Variants in VPS13B observed in about 807,000 individuals in gnomAD.
VPS13B encodes the protein vacuolar protein sorting 13 homolog B.
A neutral mutation model predicts 426.4 loss-of-function variants in VPS13B; 285 were observed. That is an observed-to-expected ratio of 0.67 (90% CI 0.61 to 0.74). The LOEUF (loss-of-function observed/expected upper bound fraction) is 0.74. Among genes scored for constraint, VPS13B ranks in the 30% least tolerant of loss-of-function variants. VPS13B has a pLI of 0.00. For synonymous variants in VPS13B, 1,676 were observed against 1,676.4 expected, an observed-to-expected ratio of 1.00 and a Z score of 0.01; for missense variants, 4,537 against 4,782.6, an observed-to-expected ratio of 0.95 and a Z score of 1.51.
chr8:99,603,318 A>T (rs1827412351), intron 33 of VPS13B, among the ~76,000 whole-genome samples: 1 of 152,210 alleles, frequency 6.6e-6, no homozygotes, highest in African/African-American at 2.4e-5. Context: ...GCCTGAAACT[A>T]TACATAGTAC....
chr8:99,515,654 A>G (rs1197519543), intron 29 of VPS13B, among the ~76,000 whole-genome samples: 1 of 151,644 alleles, frequency 6.6e-6, no homozygotes, highest in Admixed American at 6.6e-5. Context: ...TTTTAGCAAC[A>G]AACAACTTTT....
chr8:99,034,888 CAT>C (rs570356306), intron 2 of VPS13B, among the ~76,000 whole-genome samples: 21 of 152,222 alleles, frequency 1.4e-4, no homozygotes, highest in East Asian at 7.7e-4. Context: ...TAGTAACAAA[CAT>C]GTGACATAAA....
At chr8:99,520,792 G>A (rs2133667708) in intron 29 of VPS13B, 107 bp from the exon 30 acceptor site, 1 of 814,062 alleles carries the variant, frequency 1.2e-6, no homozygotes, top group South Asian at 1.5e-5. Flanking sequence ...TTATTTATTG[G>A]TCTTATCTTA....
intron 17 of VPS13B, among the ~76,000 whole-genome samples, chr8:99,201,385 C>A (rs1421221227): frequency 1.3e-5 from 2 of 152,078 alleles, no homozygotes; most frequent in Non-Finnish European, 2.9e-5. Flanking sequence ...AAACTTTGTG[C>A]CTCAGTCTTC....
chr8:99,374,852 A>G (rs1813398496), intron 19 of VPS13B, among the ~76,000 whole-genome samples: 1 of 152,124 alleles, frequency 6.6e-6, no homozygotes, highest in East Asian at 1.9e-4. Context: ...TTCTCCTGAT[A>G]CACCTTCAGA....
intron 19 of VPS13B, among the ~76,000 whole-genome samples, chr8:99,300,678 CTTTTCT>C (rs1563655144): frequency 6.6e-6 from 1 of 152,090 alleles, no homozygotes; most frequent in Non-Finnish European, 1.5e-5. Flanking sequence ...TTCCCAGTTC[CTTTTCT>C]TTAGTTATCC....
At chr8:99,106,668 T>C (rs892301619) in intron 5 of VPS13B, among the ~76,000 whole-genome samples, 7 of 152,178 alleles carry the variant, frequency 4.6e-5, no homozygotes, top group Admixed American at 4.6e-4. Flanking sequence ...GGACTCTTTT[T>C]AAATTTTTGT....
chr8:99,025,610 T>G (rs960075864), intron 2 of VPS13B, among the ~76,000 whole-genome samples: 1 of 152,130 alleles, frequency 6.6e-6, no homozygotes, highest in Non-Finnish European at 1.5e-5. Flanking sequence ...TATCCTTCAG[T>G]TTTTTGGAAT....
chr8:99,606,646 T>TTTTTG (rs1827601699), intron 33 of VPS13B, among the ~76,000 whole-genome samples: 1 of 146,446 alleles, frequency 6.8e-6, no homozygotes, highest in African/African-American at 2.5e-5. Flanking sequence ...TTTTTTTTTT[T>TTTTTG]GAGACGGAGT....
chr8:99,541,355 T>C (rs1324034255), intron 30 of VPS13B, among the ~76,000 whole-genome samples: 1 of 152,142 alleles, frequency 6.6e-6, no homozygotes, highest in East Asian at 1.9e-4. Flanking sequence ...TAACTTTAAG[T>C]TCTGGATTAC....
chr8:99,616,789 A>T (rs560524411), intron 33 of VPS13B, among the ~76,000 whole-genome samples: 1 of 152,334 alleles, frequency 6.6e-6, no homozygotes, highest in South Asian at 2.1e-4. Context: ...TGCACCAGAA[A>T]TCCTGTCTGT....
In VPS13B at chr8:99,501,770, C is replaced by T; in HGVS notation, c.3954C>T (p.Thr1318=). ...AAACTACAAGTAATATTGGAGGAAC[C>T]AGTGGACGTGTTAGTTTATGGATGC... is the stretch of plus-strand genomic sequence containing the variant. ...LEQTTSNIGG[T]SGRVSLWMQW... Residue 1318 remains threonine, a synonymous_variant, in exon 26 of 62, where the codon ACC becomes ACT. Coordinates refer to ENST00000357162, the MANE Select transcript of VPS13B (RefSeq NM_152564.5). 6.2e-7 allele frequency: 1 copy of T among 1,614,030 alleles called. No homozygotes were observed. Among genetic ancestry groups the T allele is most frequent in the Non-Finnish European group, 8.5e-7 (1 of 1,180,006 alleles).
chr8:99,340,938 G>A lies in VPS13B; in HGVS notation c.2825-43270G>A. The A allele has an allele frequency of 7.0e-6, 2 of 284,594 alleles. 1 individual carries two copies. The highest frequency in any genetic ancestry group is 9.8e-5 in the South Asian group (2 of 20,308). 17.6% of individuals were successfully genotyped at this position (284,594 alleles called of 1,614,324 possible). ...GGATGGATTCAACAAAGGTGGGCTG[G>A]GAGAGAGCTCCCCCTGGCTCATTTT... On this transcript the variant is annotated intron_variant, in intron 19 of 61. Coordinates refer to ENST00000357162, the MANE Select transcript of VPS13B (RefSeq NM_152564.5).
At chr8:99,087,449 G>A (rs1845884388) in intron 3 of VPS13B, among the ~76,000 whole-genome samples, 1 of 152,060 alleles carries the variant, frequency 6.6e-6, no homozygotes, top group South Asian at 2.1e-4. Context: ...CGCTTGGTAC[G>A]CTGCACCCAC....
At chr8:99,038,834 G>A (rs1299747088) in intron 3 of VPS13B, among the ~76,000 whole-genome samples, 1 of 151,444 alleles carries the variant, frequency 6.6e-6, no homozygotes, top group African/African-American at 2.4e-5. Flanking sequence ...CTACAGGTGT[G>A]CGCCACCACG....
At chr8:99,494,461 T>C (rs991752040) in intron 25 of VPS13B, among the ~76,000 whole-genome samples, 8 of 152,156 alleles carry the variant, frequency 5.3e-5, no homozygotes, top group Non-Finnish European at 8.8e-5. Flanking sequence ...TTAGATGCTA[T>C]TGTAAAGGGA....
chr8:99,739,661 C>G lies in VPS13B; in HGVS notation c.7050+18614C>G, dbSNP rs1334570727. 5.9e-5 allele frequency among the ~76,000 whole-genome samples: 9 copies of G among 152,282 alleles called. No homozygotes were observed. The East Asian group carries it at 1.5e-3, about 26-fold the overall frequency. On this transcript the variant is annotated intron_variant, in intron 39 of 61. Coordinates refer to ENST00000357162, the MANE Select transcript of VPS13B (RefSeq NM_152564.5). ...AGATCACGCAGCAACATTTGCTGTT[C>G]ACCAATATCCACCGTTCTGCAGCCT...
intron 3 of VPS13B, among the ~76,000 whole-genome samples, chr8:99,046,651 C>T (rs1450718999): frequency 6.6e-6 from 1 of 152,074 alleles, no homozygotes; most frequent in African/African-American, 2.4e-5. Context: ...TCAACTTTTC[C>T]CCATTTAGTA....
intron 19 of VPS13B, among the ~76,000 whole-genome samples, chr8:99,286,637 A>T (rs918611374): frequency 1.3e-5 from 2 of 152,180 alleles, no homozygotes; most frequent in Admixed American, 6.6e-5. Context: ...TGTAAAGGCA[A>T]TGAAAGGTGC....
Sources: allele counts gnomAD v4.1 joint callset (sites outside exome capture counted in the v4.1 genomes callset), GRCh38; gene constraint gnomAD v4.1.1; transcripts MANE v1.5; gene names NCBI Gene and HGNC (gene_info 2026-07-23, HGNC 2026-07-21).